The following SLC9A9 variants were observed in gnomAD, a reference collection of about 807,000 sequenced individuals.
SLC9A9 encodes sodium/hydrogen exchanger 9.
In SLC9A9, 62 loss-of-function variants were observed where a neutral mutation model predicts 77.8. The ratio of observed to expected loss-of-function variants is 0.80; its 90% confidence interval spans 0.65 to 0.98. SLC9A9 has a LOEUF of 0.98. Among genes scored for constraint, SLC9A9 ranks in the 50% least tolerant of loss-of-function variants. SLC9A9 has a pLI of 0.00. For synonymous variants in SLC9A9, 320 were observed against 283.5 expected, an observed-to-expected ratio of 1.13 and a Z score of -1.29; for missense variants, 775 against 774.9, an observed-to-expected ratio of 1.00 and a Z score of 0.00.
intron 4 of SLC9A9, among the ~76,000 whole-genome samples, chr3:143,768,948 T>C (rs1014164638): frequency 6.6e-6 from 1 of 152,186 alleles, no homozygotes; most frequent in Non-Finnish European, 1.5e-5. Flanking sequence ...AGGTTAAGCA[T>C]GGCATAGTGT....
At chr3:143,681,159 T>C (rs1933076602) in intron 5 of SLC9A9, among the ~76,000 whole-genome samples, 1 of 152,210 alleles carries the variant, frequency 6.6e-6, no homozygotes, top group African/African-American at 2.4e-5. Context: ...TGCACTATTC[T>C]TTGTAGTTCT....
At position 143,672,186 on chromosome 3, in the gene SLC9A9, A is replaced by AT. The variant is rs1576649549; in HGVS notation, c.650-19827_650-19826insA. 1.2e-4 allele frequency among the ~76,000 whole-genome samples: 9 copies of AT among 75,108 alleles called. No individual in the cohort carries two copies. The South Asian group carries it at 1.5e-3, about 12-fold the overall frequency. The allele number at this position is 75,108 out of a possible 152,430, so 49.3% of individuals were successfully genotyped here. A position where few individuals can be genotyped will look rare whatever the true frequency, so the allele number is the denominator to read the frequency against. ...GAACTACTTTGTCAATTACATCTTA[A>AT]ATTTTTTTTTTGTCTGTGAATAGAA... On this transcript the variant is annotated intron_variant, in intron 5 of 15. Transcript: ENST00000316549.
chr3:143,385,347 A>G (rs1640635806), intron 12 of SLC9A9, among the ~76,000 whole-genome samples: 1 of 152,120 alleles, frequency 6.6e-6, no homozygotes, highest in African/African-American at 2.4e-5. Context: ...ATCACACACA[A>G]TTGTTCTCAT....
At chr3:143,503,428 G>A in intron 9 of SLC9A9, 1 of 350,706 alleles carries the variant, frequency 2.9e-6, no homozygotes, top group Non-Finnish European at 5.5e-6. Context: ...TAAAGTCAGA[G>A]GAGACAACCT....
At chr3:143,613,235 CT>C (rs1375630745) in intron 6 of SLC9A9, among the ~76,000 whole-genome samples, 2 of 152,098 alleles carry the variant, frequency 1.3e-5, no homozygotes, top group Non-Finnish European at 2.9e-5. Flanking sequence ...CCCTTTCTTT[CT>C]TTTCAAAAAG....
At chr3:143,627,470 A>G (rs887919536) in intron 6 of SLC9A9, 1 of 222,530 alleles carries the variant, frequency 4.5e-6, no homozygotes, top group Admixed American at 4.2e-5. Context: ...GTCTTGCCAC[A>G]GGCAAAGCCC....
chr3:143,469,990 G>T (rs2035351293), intron 11 of SLC9A9, among the ~76,000 whole-genome samples: 2 of 152,174 alleles, frequency 1.3e-5, no homozygotes, highest in East Asian at 1.9e-4. Flanking sequence ...TAAGAGTGGG[G>T]ATATTAATAA....
intron 2 of SLC9A9, among the ~76,000 whole-genome samples, chr3:143,806,737 T>G (rs1186313629): frequency 1.7e-4 from 25 of 148,810 alleles, no homozygotes; most frequent in East Asian, 4.0e-4. Context: ...TATGTGGTGG[T>G]GGGGGGGGCA....
intron 12 of SLC9A9, among the ~76,000 whole-genome samples, chr3:143,404,801 T>C (rs2033942434): frequency 6.6e-6 from 1 of 152,238 alleles, no homozygotes; most frequent in Non-Finnish European, 1.5e-5. Flanking sequence ...AGACAAATTG[T>C]TGGAAGTCTA....
intron 12 of SLC9A9, among the ~76,000 whole-genome samples, chr3:143,386,986 G>T (rs1038254813): frequency 1.3e-5 from 2 of 152,134 alleles, no homozygotes; most frequent in African/African-American, 4.8e-5. Context: ...GATTATAGGC[G>T]TACGCCACCA....
chr3:143,563,139 C>T (rs747072168), intron 8 of SLC9A9, among the ~76,000 whole-genome samples: 42 of 151,988 alleles, frequency 2.8e-4, no homozygotes, highest in Non-Finnish European at 4.9e-4. Context: ...AAGAGGCACA[C>T]GGTTAAATTC....
intron 14 of SLC9A9, chr3:143,343,292 T>C (rs964980871): frequency 6.6e-6 from 1 of 152,168 alleles, no homozygotes; most frequent in African/African-American, 2.4e-5. Flanking sequence ...AATGTTTTGA[T>C]TTTTTTGTAG....
At position 143,586,309 on chromosome 3, in the gene SLC9A9, A is replaced by G. The variant is rs199935216; in HGVS notation, c.756-7586T>C. 7.2e-5 allele frequency among the ~76,000 whole-genome samples: 11 copies of G among 152,344 alleles called. No homozygotes were observed. In the East Asian group the frequency reaches 2.1e-3, roughly 29 times the overall value. On this transcript the variant is annotated intron_variant, in intron 6 of 15. Coordinates refer to ENST00000316549, the MANE Select transcript of SLC9A9 (RefSeq NM_173653.4). ...ATGGTTCCTAACCCCAATCTGGTAAACAGGAAAAGATCCACAAGATCATCA... is the reference window on the plus strand; with the variant it reads ...ATGGTTCCTAACCCCAATCTGGTAAGCAGGAAAAGATCCACAAGATCATCA...
chr3:143,693,976 G>A (rs1933555754), intron 4 of SLC9A9, among the ~76,000 whole-genome samples: 1 of 152,060 alleles, frequency 6.6e-6, no homozygotes, highest in South Asian at 2.1e-4. Flanking sequence ...GTCTGTTTTG[G>A]TCATCATTTG....
At chr3:143,620,844 G>T (rs565167669) in intron 6 of SLC9A9, among the ~76,000 whole-genome samples, 84 of 152,274 alleles carry the variant, frequency 5.5e-4, no homozygotes, top group African/African-American at 2.0e-3. Flanking sequence ...AGTACAAGGG[G>T]TCAGGGAATT....
chr3:143,639,182 C>T (rs2038579877), intron 6 of SLC9A9, among the ~76,000 whole-genome samples: 1 of 152,188 alleles, frequency 6.6e-6, no homozygotes, highest in South Asian at 2.1e-4. Context: ...ACCCTCCACC[C>T]CCTGAAGTGA....
At chr3:143,425,260 T>A (rs1442542279) in intron 12 of SLC9A9, among the ~76,000 whole-genome samples, 1 of 126,238 alleles carries the variant, frequency 7.9e-6, no homozygotes, top group Non-Finnish European at 1.6e-5. Context: ...CCAATGAGGC[T>A]TAGCTTTTTT....
chr3:143,396,714 C>A (rs1169567540), intron 12 of SLC9A9, among the ~76,000 whole-genome samples: 1 of 152,154 alleles, frequency 6.6e-6, no homozygotes, highest in Non-Finnish European at 1.5e-5. Flanking sequence ...CTTTGCTACT[C>A]AGGCCTCCTG....
chr3:143,495,536 T>A lies in SLC9A9; in HGVS notation c.1090-88A>T, dbSNP rs1576535467. ...CTGGTAACTGTATTTGACAACTGAC[T>A]GGGTCTCCTTTATCTGGAAGGCCAC... is the stretch of plus-strand genomic sequence containing the variant. On this transcript the variant is annotated intron_variant, in intron 9 of 15. Coordinates refer to ENST00000316549, the MANE Select transcript of SLC9A9 (RefSeq NM_173653.4). The A allele has an allele frequency of 4.0e-6, 4 of 988,462 alleles. No homozygotes were observed. In the East Asian group the frequency reaches 9.7e-5, roughly 24 times the overall value. The allele number at this position is 988,462 out of a possible 1,614,324, so 61.2% of individuals were successfully genotyped here.
Sources: allele counts gnomAD v4.1 joint callset (sites outside exome capture counted in the v4.1 genomes callset), GRCh38; gene constraint gnomAD v4.1.1; transcripts MANE v1.5; gene names NCBI Gene and HGNC (gene_info 2026-07-23, HGNC 2026-07-21).